The following ANKRD26 variants were observed in gnomAD, a reference collection of about 807,000 sequenced individuals.
ANKRD26 encodes the protein ankyrin repeat domain-containing protein 26.
In ANKRD26, 141 loss-of-function variants were observed where a neutral mutation model predicts 208.7. That is an observed-to-expected ratio of 0.68 (90% confidence interval 0.59 to 0.78). The LOEUF (loss-of-function observed/expected upper bound fraction) is 0.78, where lower values mean the gene tolerates loss of function less well. Among genes scored for constraint, ANKRD26 ranks in the 30% least tolerant of loss-of-function variants. The probability of loss-of-function intolerance (pLI) is 0.00; values close to 1 mark genes in which losing one functional copy is unlikely to be tolerated. For missense variants in ANKRD26, 1,889 were observed against 1,938.7 expected (o/e 0.97, Z 0.48); for synonymous variants, 636 against 660.4 (o/e 0.96, Z 0.57).
At position 27,061,141 on chromosome 10, in the gene ANKRD26, T is replaced by C. The variant is rs370383315; in HGVS notation, c.1462+3A>G. On this transcript the variant is annotated splice_donor_region_variant and intron_variant, in intron 13 of 33. Coordinates refer to ENST00000376087, the MANE Select transcript of ANKRD26 (RefSeq NM_014915.3). ...AACAAAAATACGCATTTTTTTTCCA[T>C]ACCCATGTGGGCTACTGGCATGCCT... 24 of 1,596,534 alleles carry C rather than the reference T, an allele frequency of 1.5e-5. No homozygotes were observed. The highest frequency in any genetic ancestry group is 2.2e-5 in the East Asian group (1 of 44,710).
chr10:27,048,870 A>G lies in ANKRD26; in HGVS notation c.1745T>C (p.Ile582Thr), dbSNP rs1231391680. 1 of 1,613,164 alleles carries G rather than the reference A, an allele frequency of 6.2e-7. No homozygotes were observed. The highest frequency in any genetic ancestry group is 8.5e-7 in the Non-Finnish European group (1 of 1,179,694). The part of the protein sequence containing the change: ...AEDDDDDDGL[I>T]QKRKSGETDH... The stretch of plus-strand genomic sequence containing the variant: ...AGTTTCTCCACTCTTTCTTTTTTGA[A>G]TTAATCCATCATCATCATCATCATC... Residue 582 changes from isoleucine (I) to threonine (T), a missense_variant, in exon 17 of 34, where the codon ATT (isoleucine) becomes ACT (threonine). Physicochemically the swap from Ile to Thr is moderately conservative, Grantham distance 89. Coordinates refer to ENST00000376087, the MANE Select transcript of ANKRD26 (RefSeq NM_014915.3).
chr10:27,056,266 C>T (rs948923680), intron 15 of ANKRD26, among the ~76,000 whole-genome samples: 2 of 152,062 alleles, frequency 1.3e-5, no homozygotes, highest in Non-Finnish European at 2.9e-5. Context: ...CAACCTTCGC[C>T]TCCTAGGTTC....
intron 30 of ANKRD26, among the ~76,000 whole-genome samples, chr10:27,016,668 G>C (rs1470059171): frequency 6.6e-6 from 1 of 151,850 alleles, no homozygotes; most frequent in South Asian, 2.1e-4. Context: ...AACTGCAAAA[G>C]GGCAAGAGAG....
At chr10:27,038,767 A>G (rs1444863395) in intron 21 of ANKRD26, among the ~76,000 whole-genome samples, 2 of 152,176 alleles carry the variant, frequency 1.3e-5, no homozygotes, top group African/African-American at 4.8e-5. Context: ...CAATAGAAAT[A>G]TATTTTTGTT....
rs564750341 is a variant in ANKRD26, at chr10:27,099,117, A to G, written c.242+968T>C. Among the ~76,000 whole-genome samples, 4 of 151,992 alleles carry G rather than the reference A, an allele frequency of 2.6e-5. No individual in the cohort carries two copies. In the South Asian group the frequency reaches 8.3e-4, roughly 32 times the overall value. ...GCGATTCTCCTGCCTCAGTCTTCGG[A>G]GTAGCTGAGATTACAGGCTCCCACC... is the stretch of plus-strand genomic sequence containing the variant. On this transcript the variant is annotated intron_variant, in intron 1 of 33. Transcript: ENST00000376087.
intron 18 of ANKRD26, among the ~76,000 whole-genome samples, chr10:27,045,522 AAAGT>A (rs1225454876): frequency 6.6e-6 from 1 of 152,170 alleles, no homozygotes; most frequent in Non-Finnish European, 1.5e-5. Flanking sequence ...TTATAATCTA[AAAGT>A]AATAGTCTGT....
the ANKRD26 span, among the ~76,000 whole-genome samples, chr10:26,949,980 T>C: frequency 6.6e-6 from 1 of 152,216 alleles, no homozygotes; most frequent in Non-Finnish European, 1.5e-5. Flanking sequence ...AGATTATTTA[T>C]CCTGTGGTAT....
chr10:27,063,845 C>A lies in ANKRD26; in HGVS notation c.1363+143G>T, dbSNP rs542239686. ...ATCTGTTGCTGACACCTAAGATATACAACTTATCACAATTTTACCTCTCTT... is the reference window on the plus strand; with the variant it reads ...ATCTGTTGCTGACACCTAAGATATAAAACTTATCACAATTTTACCTCTCTT... On this transcript the variant is annotated intron_variant, in intron 12 of 33. Coordinates refer to ENST00000376087, the MANE Select transcript of ANKRD26 (RefSeq NM_014915.3). 28 of 720,880 alleles carry A rather than the reference C, an allele frequency of 3.9e-5. 1 individual carries two copies. Among genetic ancestry groups the A allele is most frequent in the Non-Finnish European group, 6.4e-5 (27 of 423,812 alleles). The allele number at this position is 720,880 out of a possible 1,614,324, so 44.7% of individuals were successfully genotyped here.
intron 3 of ANKRD26, 29 bp from the exon 4 acceptor site, chr10:27,092,541 G>T (rs1438406915): frequency 6.7e-7 from 1 of 1,500,104 alleles, no homozygotes; most frequent in Admixed American, 1.7e-5. Flanking sequence ...AAGTTAAAAT[G>T]CATAAAATTA....
chr10:27,012,438 C>G (rs1235189537), intron 32 of ANKRD26, among the ~76,000 whole-genome samples: 1 of 151,168 alleles, frequency 6.6e-6, no homozygotes, highest in East Asian at 1.9e-4. Flanking sequence ...ACTTTATTAG[C>G]ACAGATAATT....
At chr10:27,066,667 A>G in intron 10 of ANKRD26, 119 bp from the exon 11 acceptor site, 1 of 665,230 alleles carries the variant, frequency 1.5e-6, no homozygotes, top group East Asian at 3.1e-5. Context: ...TAAAATAAAA[A>G]TAATAGCAAA....
rs376649529 is a variant in ANKRD26 at position 27,005,709 on chromosome 10, C to T, written c.5014G>A (p.Glu1672Lys). 1.9e-6 allele frequency: 3 copies of T among 1,608,690 alleles called. No individual in the cohort carries two copies. Among genetic ancestry groups the T allele is most frequent in the Non-Finnish European group, 2.5e-6 (3 of 1,177,526 alleles). ...AGAGGGGAAGCTATTGATCCAGATT[C>T]CAATTCAGCAGCAGCTAGAATGAAA... is the stretch of plus-strand genomic sequence containing the variant. ...RELKEAAAEL[E>K]SGSIASPLGS... The change falls in exon 34 of 34, where the codon GAA (glutamate) becomes AAA (lysine). Residue 1672 changes from glutamate to lysine, a missense_variant. Physicochemically the swap from Glu to Lys is moderately conservative, Grantham distance 56. Transcript: ENST00000376087.
In ANKRD26 at chr10:27,035,358, T is replaced by C; in HGVS notation, c.3092A>G (p.Glu1031Gly). 1 of 1,613,954 alleles carries C rather than the reference T, an allele frequency of 6.2e-7. No homozygotes were observed. The highest frequency in any genetic ancestry group is 8.5e-7 in the Non-Finnish European group (1 of 1,179,934). The change falls in exon 24 of 34, where the codon GAA becomes GGA. Residue 1031 changes from glutamate (E) to glycine (G), a missense_variant. Coordinates refer to ENST00000376087, the MANE Select transcript of ANKRD26 (RefSeq NM_014915.3). ...DQSETSKREL[E>G]LAFQRARDEC... ...ATCTCTTGCTCTCTGGAAAGCAAGT[T>C]CTAGTTCTCTTTTTGATGTCTCACT...
chr10:27,043,156 A>C (rs1251097091), intron 20 of ANKRD26, among the ~76,000 whole-genome samples: 1 of 151,872 alleles, frequency 6.6e-6, no homozygotes, highest in Non-Finnish European at 1.5e-5. Context: ...AAAAGTCAAC[A>C]AAAAAATAAA....
At chr10:26,972,588 CTTTTTTT>C (rs773904333), downstream of ANKRD26, among the ~76,000 whole-genome samples, 6 of 121,988 alleles carry the variant, frequency 4.9e-5, no homozygotes, top group Non-Finnish European at 8.7e-5. Context: ...CAAAGTGATT[CTTTTTTT>C]TTTTTTTTTT....
chr10:26,958,749 T>C, the ANKRD26 span, among the ~76,000 whole-genome samples: 2 of 148,936 alleles, frequency 1.3e-5, no homozygotes, highest in African/African-American at 4.8e-5. Flanking sequence ...CTCTCTATTG[T>C]AAACAGTGCT....
rs2055255546 is a variant in ANKRD26, at chr10:27,066,545, A to G, written c.1211T>C (p.Met404Thr). Reference protein sequence around the residue: ...DEVHKNNRSDMMSALGLGQEE... With the variant: ...DEVHKNNRSDTMSALGLGQEE... The stretch of plus-strand genomic sequence containing the variant: ...TTGTCCTAATCCTAATGCGGACATC[A>G]TATCTATCAAATGTGATACACAGAT... The change falls in exon 11 of 34, where the codon ATG becomes ACG. Residue 404 changes from methionine to threonine, a missense_variant. Physicochemically the swap from Met to Thr is moderately conservative, Grantham distance 81. Around this residue, in one of 3 missense-constraint regions of ANKRD26, gnomAD observed 1,272 missense variants for 1,273.8 expected, o/e 1.00. Transcript: ENST00000376087. 7 of 1,594,888 alleles carry G rather than the reference A, an allele frequency of 4.4e-6. No homozygotes were observed. The highest frequency in any genetic ancestry group is 4.5e-5 in the East Asian group (2 of 44,654).
At chr10:27,014,186 A>T (rs1197972089) in intron 31 of ANKRD26, among the ~76,000 whole-genome samples, 1 of 152,166 alleles carries the variant, frequency 6.6e-6, no homozygotes, top group African/African-American at 2.4e-5. Context: ...GCTGATAAGC[A>T]ATCTGATGAC....
downstream of ANKRD26, among the ~76,000 whole-genome samples, chr10:27,003,336 C>T (rs1408696109): frequency 2.6e-5 from 4 of 152,126 alleles, no homozygotes; most frequent in African/African-American, 7.2e-5. Flanking sequence ...TTTCCCTTCT[C>T]CCCCTATTTG....
Sources: gnomAD v4.1 joint callset for allele counts (sites outside exome capture counted in the v4.1 genomes callset) on GRCh38, gnomAD v4.1.1 for gene constraint, gnomAD v4.1.1 regional missense constraint, MANE v1.5 for transcripts, NCBI Gene and HGNC (gene_info 2026-07-23, HGNC 2026-07-21) for gene names.